The following NUP153 variants were observed in gnomAD, a reference collection of about 807,000 sequenced individuals.
NUP153 encodes nucleoporin 153.
NUP153 carries 27 observed loss-of-function variants against 134.6 expected under a neutral mutation model. That is an observed-to-expected ratio of 0.20 (90% CI 0.15 to 0.28). NUP153 has a LOEUF of 0.28. Among genes scored for constraint, NUP153 ranks in the 10% least tolerant of loss-of-function variants. The probability of loss-of-function intolerance (pLI) is 1.00; values close to 1 mark genes in which losing one functional copy is unlikely to be tolerated. For synonymous variants in NUP153, 640 were observed against 623.5 expected (o/e 1.03, Z -0.40); for missense variants, 1,821 against 1,731.3 (o/e 1.05, Z -0.92).
At chr6:17,705,447 G>C (rs1403877722) in intron 1 of NUP153, among the ~76,000 whole-genome samples, 1 of 152,112 alleles carries the variant, frequency 6.6e-6, no homozygotes. Context: ...CATTCCTGGA[G>C]TGTCAAAAGT....
intron 12 of NUP153, among the ~76,000 whole-genome samples, chr6:17,648,636 A>T (rs545752482): frequency 5.5e-4 from 83 of 151,824 alleles, no homozygotes; most frequent in Middle Eastern, 6.8e-3. Flanking sequence ...ATAAATATTT[A>T]AAAAAAAATT....
chr6:17,674,684 C>T (rs554022955), intron 5 of NUP153, among the ~76,000 whole-genome samples: 19 of 152,188 alleles, frequency 1.2e-4, no homozygotes, highest in African/African-American at 3.9e-4. Flanking sequence ...GCAGGAGAAT[C>T]GCTTGAAACC....
intron 11 of NUP153, among the ~76,000 whole-genome samples, chr6:17,660,351 A>C (rs1404635546): frequency 6.6e-6 from 1 of 152,216 alleles, no homozygotes; most frequent in African/African-American, 2.4e-5. Flanking sequence ...AGGACTATGT[A>C]TCAAAACTCA....
chr6:17,616,135 C>T lies in NUP153; in HGVS notation c.4390G>A (p.Gly1464Ser). 1.2e-6 allele frequency: 2 copies of T among 1,613,840 alleles called. No individual in the cohort carries two copies. The highest frequency in any genetic ancestry group is 8.5e-7 in the Non-Finnish European group (1 of 1,179,856). ...CTAACAGCAGTCTTTATCTTGCGACCAGAGAATGAAGTTCCAGAAGAAGAG... is the reference window on the plus strand; with the variant it reads ...CTAACAGCAGTCTTTATCTTGCGACTAGAGAATGAAGTTCCAGAAGAAGAG... ...VFSSSGTSFS[G>S]RKIKTAVRRR... Residue 1464 changes from glycine (G) to serine (S), a missense_variant, in exon 22 of 22, where the codon GGT becomes AGT. Gly to Ser is a moderately conservative substitution (Grantham distance 56). Transcript: ENST00000262077.
At position 17,624,929 on chromosome 6, in the gene NUP153, G is replaced by A. The variant is rs549658800; in HGVS notation, c.3902-96C>T. On this transcript the variant is annotated intron_variant, in intron 19 of 21. Transcript: ENST00000262077. ...AACCCACAAGCAAATGTCAAGCTTCGTTTCAGACTCTTACCTTGCTAACCA... is the reference window on the plus strand; with the variant it reads ...AACCCACAAGCAAATGTCAAGCTTCATTTCAGACTCTTACCTTGCTAACCA... 3.3e-4 allele frequency: 404 copies of A among 1,242,930 alleles called. 1 individual carries two copies. The highest frequency in any genetic ancestry group is 2.4e-3 in the African/African-American group (157 of 65,806). 77.0% of individuals were successfully genotyped at this position (1,242,930 alleles called of 1,614,324 possible).
intron 2 of NUP153, among the ~76,000 whole-genome samples, chr6:17,678,995 A>G (rs1276932323): frequency 6.6e-6 from 1 of 152,210 alleles, no homozygotes; most frequent in Non-Finnish European, 1.5e-5. Flanking sequence ...CAGCTTAAGC[A>G]ATACAAAACA....
At chr6:17,670,812 T>A (rs146967613) in intron 5 of NUP153, among the ~76,000 whole-genome samples, 99 of 152,276 alleles carry the variant, frequency 6.5e-4, no homozygotes, top group African/African-American at 2.0e-3. Flanking sequence ...ATTAATTTTT[T>A]ATTTTTTATT....
At chr6:17,668,929 C>A (rs772597456) in intron 8 of NUP153, 46 bp downstream of exon 8, 11 of 1,316,538 alleles carry the variant, frequency 8.4e-6, no homozygotes, top group Non-Finnish European at 9.5e-6. Flanking sequence ...TTAAACACAA[C>A]AAAATTGTAG....
intron 12 of NUP153, 80 bp from the exon 13 acceptor site, chr6:17,647,985 C>T: frequency 2.4e-6 from 2 of 831,458 alleles, no homozygotes; most frequent in Non-Finnish European, 2.0e-6. Context: ...ATTAAGCAAA[C>T]TGATTATTCC....
chr6:17,706,219 G>A lies in NUP153; in HGVS notation c.111+58C>T. 7 of 1,408,976 alleles carry A rather than the reference G, an allele frequency of 5.0e-6. No individual in the cohort carries two copies. The highest frequency in any genetic ancestry group is 1.4e-5 in the African/African-American group (1 of 70,804). The allele number at this position is 1,408,976 out of a possible 1,614,324, so 87.3% of individuals were successfully genotyped here. A position where few individuals can be genotyped will look rare whatever the true frequency, so the allele number is the denominator to read the frequency against. ...GGGGCGCCGGGGCCTCGAACCGCCC[G>A]TCCCCTCCAGCCGAGTTTCCCCACC... On this transcript the variant is annotated intron_variant, in intron 1 of 21. Coordinates refer to ENST00000262077, the MANE Select transcript of NUP153 (RefSeq NM_005124.4). The surrounding 1 kb of genome is among the most constrained non-coding windows in gnomAD (Gnocchi z 5.9).
intron 16 of NUP153, among the ~76,000 whole-genome samples, chr6:17,634,439 ACATTT>A (rs1274240641): frequency 7.0e-6 from 1 of 142,810 alleles, no homozygotes; most frequent in Non-Finnish European, 1.6e-5. Flanking sequence ...GGCCTTACAT[ACATTT>A]TTTTTTTTTT....
chr6:17,663,991 T>C (rs1767358139), intron 9 of NUP153, among the ~76,000 whole-genome samples: 2 of 151,956 alleles, frequency 1.3e-5, no homozygotes, highest in Non-Finnish European at 2.9e-5. Context: ...CATTATTCAT[T>C]ACAGCCAAAA....
chr6:17,693,941 C>T (rs557994857), intron 1 of NUP153, among the ~76,000 whole-genome samples: 109 of 152,304 alleles, frequency 7.2e-4, no homozygotes, highest in Admixed American at 3.7e-3. Flanking sequence ...GGCCTCTTTA[C>T]TTTTTCAGGT....
At chr6:17,685,560 A>C (rs1768874784) in intron 2 of NUP153, among the ~76,000 whole-genome samples, 2 of 151,836 alleles carry the variant, frequency 1.3e-5, no homozygotes, top group African/African-American at 2.4e-5. Context: ...AAAAAAAAAA[A>C]AAAAACTGTT....
chr6:17,627,282 T>C (rs747319749), intron 18 of NUP153, among the ~76,000 whole-genome samples: 46 of 152,252 alleles, frequency 3.0e-4, no homozygotes, highest in Non-Finnish European at 5.1e-4. Context: ...CCAAATAATA[T>C]GTAATTTTAG....
intron 12 of NUP153, 148 bp from the exon 13 acceptor site, chr6:17,648,053 AAC>A (rs1320332354): frequency 4.9e-6 from 3 of 614,112 alleles, no homozygotes; most frequent in Non-Finnish European, 8.6e-6. Context: ...AATTCTGAAA[AAC>A]ACAGAACTGT....
Position 17,654,964 on chromosome 6 carries a change from A to G in NUP153, c.1396-5664T>C, listed in dbSNP as rs555206911. Among the ~76,000 whole-genome samples the G allele has an allele frequency of 1.6e-4, 25 of 152,346 alleles. No individual in the cohort carries two copies. In the South Asian group the frequency reaches 2.3e-3, roughly 14 times the overall value. Reference sequence around the variant, plus strand: ...TTCCATTTTACAGATAAAAAAACTGAGGAGGTACACAAGAGGTTAATTTGA... The same window carrying G: ...TTCCATTTTACAGATAAAAAAACTGGGGAGGTACACAAGAGGTTAATTTGA... On this transcript the variant is annotated intron_variant, in intron 11 of 21. Coordinates refer to ENST00000262077, the MANE Select transcript of NUP153 (RefSeq NM_005124.4).
chr6:17,693,679 G>T (rs955910713), intron 1 of NUP153, among the ~76,000 whole-genome samples: 2 of 152,160 alleles, frequency 1.3e-5, no homozygotes, highest in African/African-American at 4.8e-5. Flanking sequence ...TTGAAGTCAG[G>T]AGCTGAGACC....
In NUP153 at chr6:17,665,286, A is replaced by G. The variant is rs778948727; in HGVS notation, c.1168T>C (p.Ser390Pro). ...TGATTAGTCTTCCTGAATTCACCAG[A>G]AGGAGTCAGAGATGGTTTAAAATAA... ...SVYFKPSLTPSGEFRKTNQRI... is the reference protein window; with the variant it reads ...SVYFKPSLTPPGEFRKTNQRI... Residue 390 changes from serine (S) to proline (P), a missense_variant, in exon 9 of 22, where the codon TCT becomes CCT. By Grantham distance (74) the Ser-to-Pro change is moderately conservative. Coordinates refer to ENST00000262077, the MANE Select transcript of NUP153 (RefSeq NM_005124.4). The G allele has an allele frequency of 9.9e-6, 16 of 1,611,500 alleles. No homozygotes were observed. In the South Asian group the frequency reaches 1.4e-4, roughly 14 times the overall value.
Sources: allele counts gnomAD v4.1 joint callset (sites outside exome capture counted in the v4.1 genomes callset), GRCh38; gene constraint gnomAD v4.1.1; non-coding constraint Gnocchi (gnomAD v3.1); transcripts MANE v1.5; gene names NCBI Gene and HGNC (gene_info 2026-07-23, HGNC 2026-07-21).